FNDC3B: variants seen among roughly 807,000 people sequenced by gnomAD.
FNDC3B encodes the protein fibronectin type III domain containing 3B, also known as fibronectin type III domain-containing protein 3B.
In FNDC3B, 12 loss-of-function variants were observed where a neutral mutation model predicts 151.5. The observed-to-expected ratio is 0.08, with a 90% CI of 0.05 to 0.13. FNDC3B has a LOEUF of 0.13. Among genes scored for constraint, FNDC3B ranks in the 10% least tolerant of loss-of-function variants. The pLI is 1.00. For missense variants in FNDC3B, 1,214 were observed against 1,505.3 expected (o/e 0.81, Z 3.20); for synonymous variants, 528 against 549.0 (o/e 0.96, Z 0.54).
At chr3:172,358,722 G>C (rs1284705773) in intron 22 of FNDC3B, among the ~76,000 whole-genome samples, 1 of 152,126 alleles carries the variant, frequency 6.6e-6, no homozygotes, top group Non-Finnish European at 1.5e-5. Flanking sequence ...ATCCTCTCCT[G>C]ATTTTACTGT....
At chr3:172,247,419 G>T in intron 4 of FNDC3B, 114 bp from the exon 5 acceptor site, 1 of 1,175,646 alleles carries the variant, frequency 8.5e-7, no homozygotes, top group Non-Finnish European at 1.2e-6. Flanking sequence ...ACATGCATTT[G>T]TTTTTTTCTA....
At chr3:172,170,527 T>C (rs940072403) in intron 3 of FNDC3B, among the ~76,000 whole-genome samples, 1 of 152,204 alleles carries the variant, frequency 6.6e-6, no homozygotes, top group Non-Finnish European at 1.5e-5. Context: ...TCCATTCCAA[T>C]AGGATCCCTG....
At chr3:172,271,784 C>CTCTGT (rs991196841) in intron 6 of FNDC3B, among the ~76,000 whole-genome samples, 9 of 152,180 alleles carry the variant, frequency 5.9e-5, no homozygotes, top group African/African-American at 2.2e-4. Flanking sequence ...GAGCAACAGG[C>CTCTGT]TCTGCTTTGA....
At chr3:172,069,466 T>C (rs1717661403) in intron 1 of FNDC3B, among the ~76,000 whole-genome samples, 1 of 152,264 alleles carries the variant, frequency 6.6e-6, no homozygotes, top group Admixed American at 6.5e-5. Flanking sequence ...TTTAAAAATT[T>C]ACTTATTTTT....
intron 9 of FNDC3B, among the ~76,000 whole-genome samples, chr3:172,304,657 G>T (rs961342501): frequency 4.6e-5 from 7 of 152,176 alleles, no homozygotes; most frequent in African/African-American, 1.4e-4. Context: ...AGCACTTTGG[G>T]AGGCCAAGGT....
chr3:172,266,354 C>T (rs952295720), intron 6 of FNDC3B, among the ~76,000 whole-genome samples: 2 of 152,126 alleles, frequency 1.3e-5, no homozygotes, highest in Non-Finnish European at 2.9e-5. Flanking sequence ...TTTTTTCCCC[C>T]ATAGAGATGG....
intron 22 of FNDC3B, among the ~76,000 whole-genome samples, chr3:172,359,141 C>A (rs945306257): frequency 6.6e-6 from 1 of 151,586 alleles, no homozygotes; most frequent in African/African-American, 2.4e-5. Context: ...ACTAGGGAGG[C>A]TTTGAGGAAG....
In FNDC3B at chr3:172,397,195, T is replaced by C. The variant is rs936117128; in HGVS notation, c.3335T>C (p.Ile1112Thr). The change falls in exon 26 of 26, where the codon ATC (isoleucine) becomes ACC (threonine). Residue 1112 changes from isoleucine to threonine, a missense_variant. Physicochemically the swap from Ile to Thr is moderately conservative, Grantham distance 89. This residue lies in a region of FNDC3B where 284 missense variants were observed against 392.4 expected (regional missense o/e 0.72). Transcript: ENST00000415807. ...VYKGEEATFQ[I>T]SGLQTNTDYR... ...AAGGGAGAAGAAGCCACATTCCAAA[T>C]CTCAGGCCTCCAGACCAACACAGAC... 6.2e-7 allele frequency: 1 copy of C among 1,613,104 alleles called. No homozygotes were observed. Among genetic ancestry groups the C allele is most frequent in the Non-Finnish European group, 8.5e-7 (1 of 1,179,352 alleles).
At chr3:172,221,673 C>T (rs1182849110) in intron 3 of FNDC3B, among the ~76,000 whole-genome samples, 1 of 151,668 alleles carries the variant, frequency 6.6e-6, no homozygotes, top group African/African-American at 2.4e-5. Flanking sequence ...TGGGATTAAT[C>T]AGTGTTGAAT....
chr3:172,207,905 C>A (rs565623760), intron 3 of FNDC3B, among the ~76,000 whole-genome samples: 3 of 152,156 alleles, frequency 2.0e-5, no homozygotes, highest in Admixed American at 2.0e-4. Context: ...CGAGATTGCA[C>A]CACTGCACTC....
At chr3:172,357,906 C>T (rs1311327518) in intron 22 of FNDC3B, among the ~76,000 whole-genome samples, 2 of 152,184 alleles carry the variant, frequency 1.3e-5, no homozygotes, top group Non-Finnish European at 2.9e-5. Flanking sequence ...TAGTTGATTT[C>T]AGGGCCAGAT....
intron 16 of FNDC3B, chr3:172,337,741 G>T: frequency 3.7e-6 from 1 of 273,932 alleles, no homozygotes; most frequent in Non-Finnish European, 7.1e-6. Context: ...CTGGAGGGCA[G>T]TGGCACAAAC....
chr3:172,105,078 T>C (rs889046306), intron 1 of FNDC3B, among the ~76,000 whole-genome samples: 1 of 152,178 alleles, frequency 6.6e-6, no homozygotes, highest in South Asian at 2.1e-4. Flanking sequence ...CTGACTACCT[T>C]GCTTTGCTCT....
chr3:172,334,782 G>T (rs1313553641), intron 14 of FNDC3B, among the ~76,000 whole-genome samples, 162 bp from the exon 15 acceptor site: 3 of 152,162 alleles, frequency 2.0e-5, no homozygotes, highest in Non-Finnish European at 2.9e-5. Context: ...TACAGTAAAT[G>T]ATTTATAAAA....
intron 6 of FNDC3B, among the ~76,000 whole-genome samples, chr3:172,274,588 G>A (rs1210534713): frequency 2.0e-5 from 3 of 152,198 alleles, no homozygotes; most frequent in Non-Finnish European, 4.4e-5. Flanking sequence ...ATTTGCATAT[G>A]TTTGGTATGT....
chr3:172,140,797 G>C (rs1260370169), intron 3 of FNDC3B, among the ~76,000 whole-genome samples: 2 of 152,216 alleles, frequency 1.3e-5, no homozygotes, highest in African/African-American at 2.4e-5. Context: ...GGTACTCAGG[G>C]TATATGCTGC....
intron 3 of FNDC3B, among the ~76,000 whole-genome samples, chr3:172,221,629 C>CT (rs1465281272): frequency 1.3e-5 from 2 of 151,948 alleles, no homozygotes; most frequent in Non-Finnish European, 1.5e-5. Flanking sequence ...AGCATCTGTG[C>CT]TTTATTTTCT....
chr3:172,063,999 C>A (rs1717357462), intron 1 of FNDC3B, among the ~76,000 whole-genome samples: 1 of 151,962 alleles, frequency 6.6e-6, no homozygotes, highest in Non-Finnish European at 1.5e-5. Flanking sequence ...GCTTAAGGGC[C>A]AGGTGTGGTG....
rs73023585 is a variant in FNDC3B, at chr3:172,191,983, G to C, written c.188-34888G>C. ...CTGAAGTGTGGTCGGGGTGGTACAT[G>C]TATGTGGTACATATGTTACCAGACC... is the stretch of plus-strand genomic sequence containing the variant. On this transcript the variant is annotated intron_variant, in intron 3 of 25. Coordinates refer to ENST00000415807, the MANE Select transcript of FNDC3B (RefSeq NM_022763.4). 9.0e-3 allele frequency among the ~76,000 whole-genome samples: 1,365 copies of C among 152,212 alleles called. 18 individuals carry two copies. The highest frequency in any genetic ancestry group is 0.031 in the African/African-American group (1,278 of 41,506).
Sources: allele counts gnomAD v4.1 joint callset (sites outside exome capture counted in the v4.1 genomes callset), GRCh38; gene constraint gnomAD v4.1.1; regional missense constraint gnomAD v4.1.1; transcripts MANE v1.5; gene names NCBI Gene and HGNC (gene_info 2026-07-23, HGNC 2026-07-21).